MYOZ3: variants seen among roughly 807,000 people sequenced by gnomAD.
MYOZ3 encodes the protein myozenin 3, also known as myozenin-3.
MYOZ3 carries 19 observed loss-of-function variants against 26.5 expected under a neutral mutation model. The ratio of observed to expected loss-of-function variants is 0.72; its 90% confidence interval spans 0.50 to 1.05. The LOEUF is 1.05. MYOZ3 is among the 50% of genes least tolerant of loss of function. MYOZ3 has a pLI of 0.00. For synonymous variants in MYOZ3, 135 were observed against 138.8 expected, an observed-to-expected ratio of 0.97 and a Z score of 0.19; for missense variants, 322 against 337.1, an observed-to-expected ratio of 0.96 and a Z score of 0.35.
intron 3 of MYOZ3, chr5:150,670,940 T>C (rs1425648438): frequency 5.3e-5 from 11 of 206,682 alleles, no homozygotes; most frequent in Non-Finnish European, 8.3e-5. Flanking sequence ...TAGGCTAAAT[T>C]TGCAGCAGGC....
Position 150,662,946 on chromosome 5 carries a change from TC to T in MYOZ3, c.9del (p.Lys4ArgfsTer7), listed in dbSNP as rs1162772131. 2 of 1,611,426 alleles carry T rather than the reference TC, an allele frequency of 1.2e-6. No homozygotes were observed. Among genetic ancestry groups the T allele is most frequent in the African/African-American group, 2.7e-5 (2 of 74,840 alleles). Reference sequence around the variant, plus strand: ...TGGGGGTCTCTCCTCCACAGGATGATCCCCAAGGAGCAGAAGGGGCCAGTGA... The same window carrying T: ...TGGGGGTCTCTCCTCCACAGGATGATCCCAAGGAGCAGAAGGGGCCAGTGA... M[I>X]PKEQKGPVMA... On this transcript the variant is annotated frameshift_variant, in exon 2 of 7. Transcript: ENST00000517768. LOFTEE classifies it high-confidence loss of function.
intron 5 of MYOZ3, 50 bp downstream of exon 5, chr5:150,671,958 T>C (rs1373516922): frequency 6.8e-7 from 1 of 1,476,890 alleles, no homozygotes; most frequent in East Asian, 2.5e-5. Context: ...GCCTGAAGCA[T>C]GGGTGTGCTC....
In MYOZ3 at chr5:150,676,929, C is replaced by A; in HGVS notation, c.*54C>A. On this transcript the variant is annotated 3_prime_UTR_variant, in exon 7 of 7. Transcript: ENST00000517768. ...CTCGGGGGCCTGGTAACATCCGGAG[C>A]CAAGACTTGTGGACAGCACTTCACA... 6.4e-7 allele frequency: 1 copy of A among 1,551,848 alleles called. No homozygotes were observed. The highest frequency in any genetic ancestry group is 8.7e-7 in the Non-Finnish European group (1 of 1,144,636).
At chr5:150,662,856 G>A in intron 1 of MYOZ3, 85 bp from the exon 2 acceptor site, 3 of 1,247,310 alleles carry the variant, frequency 2.4e-6, no homozygotes. Flanking sequence ...GTTCAGGACT[G>A]GGGCAGGGTG....
chr5:150,663,993 T>TA (rs1183750404), intron 2 of MYOZ3, among the ~76,000 whole-genome samples: 19,128 of 129,500 alleles, frequency 0.15, 1,669 homozygotes, highest in Non-Finnish European at 0.22. Context: ...ACTCTGTCTC[T>TA]AAAAAAAAAA....
intron 2 of MYOZ3, among the ~76,000 whole-genome samples, chr5:150,666,749 A>T (rs957806254): frequency 6.7e-6 from 1 of 148,674 alleles, no homozygotes; most frequent in Non-Finnish European, 1.5e-5. Context: ...CAATTAATTT[A>T]TACTGGATTT....
chr5:150,667,020 A>G (rs576581533), intron 2 of MYOZ3, among the ~76,000 whole-genome samples: 2 of 152,178 alleles, frequency 1.3e-5, no homozygotes, highest in African/African-American at 4.8e-5. Flanking sequence ...CTGCCTCCCA[A>G]AGTGCTGGGA....
chr5:150,676,766 C>T lies in MYOZ3; in HGVS notation c.647C>T (p.Pro216Leu). ...VGGTFPRPGT[P>L]FIPEPLSGLE... ...GGCACTTTTCCCAGGCCAGGCACCCCCTTCATCCCGGAGCCCCTCAGTGGC... is the reference window on the plus strand; with the variant it reads ...GGCACTTTTCCCAGGCCAGGCACCCTCTTCATCCCGGAGCCCCTCAGTGGC... The change falls in exon 7 of 7, where the codon CCC becomes CTC. Residue 216 changes from proline (P) to leucine (L), a missense_variant. Physicochemically the swap from Pro to Leu is moderately conservative, Grantham distance 98 (BLOSUM62 -3). Transcript: ENST00000517768. 6 of 1,614,098 alleles carry T rather than the reference C, an allele frequency of 3.7e-6. No individual in the cohort carries two copies. Among genetic ancestry groups the T allele is most frequent in the Non-Finnish European group, 5.1e-6 (6 of 1,180,024 alleles).
Position 150,676,784 on chromosome 5 carries a change from T to A in MYOZ3, c.665T>A (p.Leu222His), listed in dbSNP as rs1454158420. 6.2e-7 allele frequency: 1 copy of A among 1,613,936 alleles called. No individual in the cohort carries two copies. The highest frequency in any genetic ancestry group is 8.5e-7 in the Non-Finnish European group (1 of 1,180,008). ...GGCACCCCCTTCATCCCGGAGCCCC[T>A]CAGTGGCTTGGAACTCCTCCGTCTC... ...RPGTPFIPEP[L>H]SGLELLRLRP... The change falls in exon 7 of 7, where the codon CTC (leucine) becomes CAC (histidine). Residue 222 changes from leucine to histidine, a missense_variant. Coordinates refer to ENST00000517768, the MANE Select transcript of MYOZ3 (RefSeq NM_001122853.3).
At position 150,676,710 on chromosome 5, in the gene MYOZ3, C is replaced by A; in HGVS notation, c.591C>A (p.Thr197=). The change falls in exon 7 of 7, where the codon ACC becomes ACA. Residue 197 remains threonine, a synonymous_variant. Transcript: ENST00000517768. ...SPNDYRNFNK[T]PVPFGGPLVG... ...TCCTGCTGCTCTCTTTCTCCAGGACCCCGGTGCCATTTGGAGGACCCCTCG... is the reference window on the plus strand; with the variant it reads ...TCCTGCTGCTCTCTTTCTCCAGGACACCGGTGCCATTTGGAGGACCCCTCG... 6.2e-7 allele frequency: 1 copy of A among 1,613,700 alleles called. No individual in the cohort carries two copies. The highest frequency in any genetic ancestry group is 8.5e-7 in the Non-Finnish European group (1 of 1,179,832).
intron 5 of MYOZ3, 77 bp downstream of exon 5, chr5:150,671,985 A>C: frequency 6.9e-7 from 1 of 1,450,026 alleles, no homozygotes; most frequent in Non-Finnish European, 9.1e-7. Flanking sequence ...GGGCAGGAAG[A>C]GCACCCAGAA....
At chr5:150,673,052 GGA>G in intron 6 of MYOZ3, 1 of 153,204 alleles carries the variant, frequency 6.5e-6, no homozygotes, top group South Asian at 2.1e-4. Context: ...GCCCCAAAGT[GGA>G]GAGTGGCAGT....
rs1031697988 is a variant in MYOZ3 at position 150,668,107 on chromosome 5, T to C, written c.62-2377T>C. On this transcript the variant is annotated intron_variant, in intron 2 of 6. Transcript: ENST00000517768. ...GCAACCCCTCTGCCCCTTTTTTCCA[T>C]GTCACTCACTTGTTTGAAAAACCAG... 3.4e-4 allele frequency among the ~76,000 whole-genome samples: 51 copies of C among 152,200 alleles called. 1 individual carries two copies. Among genetic ancestry groups the C allele is most frequent in the Admixed American group, 2.7e-3 (41 of 15,280 alleles).
intron 6 of MYOZ3, among the ~76,000 whole-genome samples, chr5:150,676,330 G>A (rs561250972): frequency 2.6e-5 from 4 of 152,102 alleles, no homozygotes; most frequent in African/African-American, 7.2e-5. Context: ...CGGATCATGA[G>A]GTCAGGAGTT....
At chr5:150,671,525 T>G in intron 3 of MYOZ3, 72 bp from the exon 4 acceptor site, 1 of 1,513,270 alleles carries the variant, frequency 6.6e-7, no homozygotes, top group Non-Finnish European at 9.1e-7. Context: ...CCTTTTTTTT[T>G]GGTGGAGGGA....
In MYOZ3 at chr5:150,672,388, C is replaced by G. The variant is rs1194974929; in HGVS notation, c.473C>G (p.Thr158Ser). ...KGVPPEKFNH[T>S]AISKGYRCPW... Reference sequence around the variant, plus strand: ...GTCCCGCCAGAGAAGTTCAACCACACCGCCATCTCCAAGGGCTACCGCTGC... The same window carrying G: ...GTCCCGCCAGAGAAGTTCAACCACAGCGCCATCTCCAAGGGCTACCGCTGC... The change falls in exon 6 of 7, where the codon ACC (threonine) becomes AGC (serine). Residue 158 changes from threonine (T) to serine (S), a missense_variant. Physicochemically the swap from Thr to Ser is moderately conservative, Grantham distance 58. Transcript: ENST00000517768. The G allele has an allele frequency of 1.2e-6, 2 of 1,613,154 alleles. No individual in the cohort carries two copies. Among genetic ancestry groups the G allele is most frequent in the Admixed American group, 1.7e-5 (1 of 59,900 alleles).
intron 2 of MYOZ3, 125 bp from the exon 3 acceptor site, chr5:150,670,359 C>A: frequency 1.8e-6 from 2 of 1,093,736 alleles, no homozygotes; most frequent in Non-Finnish European, 2.4e-6. Context: ...AATCATGACA[C>A]CCGGTGTCGG....
rs2545130 is a variant in MYOZ3, at chr5:150,667,676, G to A, written c.62-2808G>A. 9.2e-3 allele frequency among the ~76,000 whole-genome samples: 1,394 copies of A among 152,236 alleles called. 9 individuals are homozygous for A. The highest frequency in any genetic ancestry group is 0.015 in the Non-Finnish European group (1,016 of 68,024). The stretch of plus-strand genomic sequence containing the variant: ...CCTCTTGATCCCATAGCTGTCTGTA[G>A]CCAGGATCCTTTAAAGCCCAACTCT... On this transcript the variant is annotated intron_variant, in intron 2 of 6. Transcript: ENST00000517768.
At chr5:150,671,044 A>G (rs10067091) in intron 3 of MYOZ3, 21,375 of 161,832 alleles carry the variant, frequency 0.13, 2,671 homozygotes, top group African/African-American at 0.34. Flanking sequence ...GCCATGGAAT[A>G]ATCTGCTGGT....
Sources: gnomAD v4.1 joint callset for allele counts (sites outside exome capture counted in the v4.1 genomes callset) on GRCh38, gnomAD v4.1.1 for gene constraint, MANE v1.5 for transcripts, NCBI Gene and HGNC (gene_info 2026-07-23, HGNC 2026-07-21) for gene names.